FAM193A: variants seen among roughly 807,000 people sequenced by gnomAD.
FAM193A encodes the protein family with sequence similarity 193 member A.
In FAM193A, 22 loss-of-function variants were observed where a neutral mutation model predicts 126.5. The observed-to-expected ratio is 0.17, with a 90% confidence interval of 0.12 to 0.25. The LOEUF is 0.25. FAM193A is among the 10% of genes least tolerant of loss of function. The probability of loss-of-function intolerance (pLI) is 1.00; values close to 1 mark genes in which losing one functional copy is unlikely to be tolerated. For synonymous variants in FAM193A, 761 were observed against 646.8 expected, an observed-to-expected ratio of 1.18 and a Z score of -2.68; for missense variants, 1,675 against 1,672.8, an observed-to-expected ratio of 1.00 and a Z score of -0.02.
At position 2,583,070 on chromosome 4, in the gene FAM193A, G is replaced by A. The variant is rs551503687; in HGVS notation, c.256-13014G>A. ...TGCAACCTCCACCTCCCGGGTTCAAGCGATTCTCCTGCCTCAGCCTCCAAA... is the reference window on the plus strand; with the variant it reads ...TGCAACCTCCACCTCCCGGGTTCAAACGATTCTCCTGCCTCAGCCTCCAAA... On this transcript the variant is annotated intron_variant, in intron 1 of 20. Transcript: ENST00000637812. 1.6e-4 allele frequency among the ~76,000 whole-genome samples: 24 copies of A among 152,322 alleles called. No individual in the cohort carries two copies. In the South Asian group the frequency reaches 4.4e-3, roughly 28 times the overall value.
intron 1 of FAM193A, among the ~76,000 whole-genome samples, chr4:2,549,639 G>A (rs1226989581): frequency 6.6e-6 from 1 of 151,128 alleles, no homozygotes; most frequent in Non-Finnish European, 1.5e-5. Context: ...CTCGTGATCC[G>A]CCCGCCTCAG....
At chr4:2,664,087 G>T (rs1712806651) in intron 12 of FAM193A, among the ~76,000 whole-genome samples, 1 of 152,174 alleles carries the variant, frequency 6.6e-6, no homozygotes, top group Admixed American at 6.5e-5. Context: ...GATGGTAAAG[G>T]TGATGTTGAA....
chr4:2,694,528 G>A (rs962259050), intron 16 of FAM193A, among the ~76,000 whole-genome samples: 2 of 152,052 alleles, frequency 1.3e-5, no homozygotes, highest in Non-Finnish European at 1.5e-5. Flanking sequence ...TGGCCTCCCA[G>A]AGTGCTGGGA....
At chr4:2,626,267 C>A (rs1261718851) in intron 3 of FAM193A, 143 bp from the exon 4 acceptor site, 1 of 619,650 alleles carries the variant, frequency 1.6e-6, no homozygotes, top group South Asian at 1.8e-5. Flanking sequence ...CCATCACCCC[C>A]CTGCACTGAC....
At chr4:2,610,843 T>A (rs1221386300) in intron 2 of FAM193A, among the ~76,000 whole-genome samples, 1 of 152,002 alleles carries the variant, frequency 6.6e-6, no homozygotes, top group East Asian at 1.9e-4. Flanking sequence ...GTTCAAGCGA[T>A]TCTCCTGCCT....
At chr4:2,538,638 C>G (rs1483089616) in intron 1 of FAM193A, among the ~76,000 whole-genome samples, 1 of 101,010 alleles carries the variant, frequency 9.9e-6, no homozygotes, top group Non-Finnish European at 1.8e-5. Context: ...GCGTTTGGAT[C>G]TTTGGGGTTT....
In FAM193A at chr4:2,646,934, A is replaced by G. The variant is rs996247599; in HGVS notation, c.1311+102A>G. On this transcript the variant is annotated intron_variant, in intron 7 of 20. Coordinates refer to ENST00000637812, the MANE Select transcript of FAM193A (RefSeq NM_001366318.2). ...CTTTGTCCTGAGCTGCAAGCCAGGAATTCCCGACTGAGGCCCAGAGGCGCA... is the reference window on the plus strand; with the variant it reads ...CTTTGTCCTGAGCTGCAAGCCAGGAGTTCCCGACTGAGGCCCAGAGGCGCA... The G allele has an allele frequency of 2.3e-6, 3 of 1,282,654 alleles. No individual in the cohort carries two copies. The East Asian group carries it at 8.1e-5, about 35-fold the overall frequency. The allele number at this position is 1,282,654 out of a possible 1,614,324, so 79.5% of individuals were successfully genotyped here.
chr4:2,540,785 A>T (rs1737185102), intron 1 of FAM193A, among the ~76,000 whole-genome samples: 1 of 151,500 alleles, frequency 6.6e-6, no homozygotes, highest in Non-Finnish European at 1.5e-5. Context: ...ATGTGATGAA[A>T]CCCCATCTCT....
At chr4:2,687,088 C>T (rs558048571) in intron 13 of FAM193A, among the ~76,000 whole-genome samples, 2 of 152,096 alleles carry the variant, frequency 1.3e-5, no homozygotes, top group Non-Finnish European at 2.9e-5. Context: ...CTCCTCTCCC[C>T]CTTTGCCTTC....
intron 20 of FAM193A, among the ~76,000 whole-genome samples, chr4:2,727,701 C>G (rs1720908029): frequency 6.6e-6 from 1 of 152,186 alleles, no homozygotes; most frequent in Non-Finnish European, 1.5e-5. Flanking sequence ...TGCAGGGGCT[C>G]TCTCTACCTC....
chr4:2,689,738 A>C (rs1362936934), intron 14 of FAM193A, 34 bp downstream of exon 14: 1 of 1,478,512 alleles, frequency 6.8e-7, no homozygotes, highest in African/African-American at 1.4e-5. Context: ...TTGAAGTTTT[A>C]AAATAACCTG....
chr4:2,663,135 T>C lies in FAM193A; in HGVS notation c.1926T>C (p.Ser642=). Residue 642 remains serine (S), a synonymous_variant, in exon 12 of 21, where the codon AGT becomes AGC. Coordinates refer to ENST00000637812, the MANE Select transcript of FAM193A (RefSeq NM_001366318.2). ...CTCCTCAGATAAGCAGTACCAGCAG[T>C]AGTTCCTCAGAAGCTGATGATGAAG... is the stretch of plus-strand genomic sequence containing the variant. ...DESPQISSTS[S]SSSEADDEEA... The C allele has an allele frequency of 6.2e-7, 1 of 1,614,128 alleles. No individual in the cohort carries two copies. The highest frequency in any genetic ancestry group is 8.5e-7 in the Non-Finnish European group (1 of 1,179,980).
chr4:2,664,744 T>C (rs1712912353), intron 12 of FAM193A, among the ~76,000 whole-genome samples: 1 of 152,100 alleles, frequency 6.6e-6, no homozygotes, highest in South Asian at 2.1e-4. Flanking sequence ...TTTGTATTTT[T>C]AGTAGAGACG....
At chr4:2,699,568 C>T (rs1421070650) in intron 18 of FAM193A, 112 bp from the exon 19 acceptor site, 19 of 1,030,216 alleles carry the variant, frequency 1.8e-5, no homozygotes, top group Admixed American at 2.8e-5. Flanking sequence ...ACAGCCTCTT[C>T]AGAGTTTATG....
At chr4:2,567,271 T>G (rs553689938) in intron 1 of FAM193A, among the ~76,000 whole-genome samples, 1 of 152,066 alleles carries the variant, frequency 6.6e-6, no homozygotes, top group East Asian at 1.9e-4. Flanking sequence ...CCGGCCTGAC[T>G]AGCTGAATTT....
intron 1 of FAM193A, among the ~76,000 whole-genome samples, chr4:2,547,588 A>T (rs1020166274): frequency 6.8e-6 from 1 of 147,188 alleles, no homozygotes; most frequent in Admixed American, 6.8e-5. Flanking sequence ...TGACCTTAGT[A>T]TGTGTGTGTG....
rs1186697705 is a variant in FAM193A, at chr4:2,536,690, T to G, written c.-226T>G. 1 of 146,426 alleles carries G rather than the reference T, an allele frequency of 6.8e-6. No homozygotes were observed. The highest frequency in any genetic ancestry group is 1.5e-5 in the Non-Finnish European group (1 of 66,488). The allele number at this position is 146,426 out of a possible 1,614,324, so 9.1% of individuals were successfully genotyped here. A position where few individuals can be genotyped will look rare whatever the true frequency, so the allele number is the denominator to read the frequency against. On this transcript the variant is annotated 5_prime_UTR_variant, in exon 1 of 21. Coordinates refer to ENST00000637812, the MANE Select transcript of FAM193A (RefSeq NM_001366318.2). ...CCGCCATATTGGACTCTAACTCTGG[T>G]CAGCCGCGGCGCCGGGACTGTGGAC...
At chr4:2,653,571 G>C (rs2109080138) in intron 7 of FAM193A, among the ~76,000 whole-genome samples, 1 of 152,176 alleles carries the variant, frequency 6.6e-6, no homozygotes, top group Non-Finnish European at 1.5e-5. Context: ...AGCCTCCCGA[G>C]TAGTAGGGAC....
chr4:2,730,094 G>A (rs1362877346), intron 20 of FAM193A, among the ~76,000 whole-genome samples: 1 of 152,094 alleles, frequency 6.6e-6, no homozygotes, highest in Non-Finnish European at 1.5e-5. Flanking sequence ...TTTTTGTAAA[G>A]ATGGAGTCTC....
Sources: gnomAD v4.1 joint callset for allele counts (sites outside exome capture counted in the v4.1 genomes callset) on GRCh38, gnomAD v4.1.1 for gene constraint, MANE v1.5 for transcripts, NCBI Gene and HGNC (gene_info 2026-07-23, HGNC 2026-07-21) for gene names.